EFNB1: variants seen among roughly 807,000 people sequenced by gnomAD.
EFNB1 encodes ephrin-B1.
Under a neutral mutation model 18.1 loss-of-function variants are expected in EFNB1, and 1 was observed. That is an observed-to-expected ratio of 0.06 (90% CI 0.02 to 0.26). EFNB1 has a LOEUF of 0.26. EFNB1 is among the 10% of genes least tolerant of loss of function. The pLI is 1.00. For missense variants in EFNB1, 221 were observed against 301.8 expected (o/e 0.73, Z 1.98); for synonymous variants, 131 against 127.5 (o/e 1.03, Z -0.19).
rs1166797656 is a variant in EFNB1, at chrX:68,840,896, G to A, written c.*242G>A. The A allele has an allele frequency of 5.9e-5, 25 of 422,631 alleles. No homozygotes were observed. Among genetic ancestry groups the A allele is most frequent in the Middle Eastern group, 6.4e-4 (1 of 1,571 alleles). The allele number at this position is 422,631 out of a possible 1,213,427, so 34.8% of individuals were successfully genotyped here. On this transcript the variant is annotated 3_prime_UTR_variant, in exon 5 of 5. Coordinates refer to ENST00000204961, the MANE Select transcript of EFNB1 (RefSeq NM_004429.5). Reference sequence around the variant, plus strand: ...CCAGGCCTCTGGGCTCCGTGGGGGCGCCCCTTCTTGGAAGGCAGGGCTGGA... The same window carrying A: ...CCAGGCCTCTGGGCTCCGTGGGGGCACCCCTTCTTGGAAGGCAGGGCTGGA...
intron 1 of EFNB1, among the ~76,000 whole-genome samples, chrX:68,837,343 G>T (rs1248372048): frequency 2.7e-5 from 3 of 111,545 alleles, no homozygotes; most frequent in Admixed American, 9.5e-5. Flanking sequence ...TGTGTGCTAG[G>T]TGTTCTCCAT....
chrX:68,837,099 T>C (rs939573968), intron 1 of EFNB1, among the ~76,000 whole-genome samples: 2 of 111,674 alleles, frequency 1.8e-5, no homozygotes, highest in Admixed American at 1.9e-4. Context: ...GCTTGAATCA[T>C]CATCCTCACA....
chrX:68,831,497 G>A (rs959996052), intron 1 of EFNB1, among the ~76,000 whole-genome samples: 3 of 111,318 alleles, frequency 2.7e-5, no homozygotes, highest in African/African-American at 6.6e-5. Context: ...TTGAGCCCAG[G>A]GGGGAACGTT....
In EFNB1 at chrX:68,829,670, AG is replaced by A; in HGVS notation, c.-105del. The A allele has an allele frequency of 8.8e-7, 1 of 1,132,658 alleles. No homozygotes were observed. Among genetic ancestry groups the A allele is most frequent in the South Asian group, 1.9e-5 (1 of 51,957 alleles). 93.3% of individuals were successfully genotyped at this position (1,132,658 alleles called of 1,213,427 possible). A position where few individuals can be genotyped will look rare whatever the true frequency, so the allele number is the denominator to read the frequency against. On this transcript the variant is annotated 5_prime_UTR_variant, in exon 1 of 5. Coordinates refer to ENST00000204961, the MANE Select transcript of EFNB1 (RefSeq NM_004429.5). ...AGCACTTCAAGGCCGGCGGCTGCGG[AG>A]GATGGGCGCCTGAGCGGCTCCGAGC... is the stretch of plus-strand genomic sequence containing the variant.
At position 68,829,796 on chromosome X, in the gene EFNB1, G is replaced by T. The variant is rs866037171; in HGVS notation, c.20G>T (p.Arg7Leu). The change falls in exon 1 of 5, where the codon CGT (arginine) becomes CTT (leucine). Residue 7 changes from arginine to leucine, a missense_variant. Physicochemically the swap from Arg to Leu is moderately radical, Grantham distance 102. Coordinates refer to ENST00000204961, the MANE Select transcript of EFNB1 (RefSeq NM_004429.5). MARPGQ[R>L]WLGKWLVAMV... ...GGGAAGATGGCTCGGCCTGGGCAGC[G>T]TTGGCTCGGCAAGTGGCTTGTGGCG... 6.7e-6 allele frequency: 8 copies of T among 1,190,577 alleles called. No individual in the cohort carries two copies. Among genetic ancestry groups the T allele is most frequent in the Non-Finnish European group, 7.9e-6 (7 of 885,301 alleles).
At position 68,829,764 on chromosome X, in the gene EFNB1, TG is replaced by T; in HGVS notation, c.-12del. The T allele has an allele frequency of 1.7e-6, 2 of 1,187,122 alleles. No individual in the cohort carries two copies. The highest frequency in any genetic ancestry group is 2.3e-6 in the Non-Finnish European group (2 of 882,987). ...CGCCAAGGGATCCCGAAGTGCAGTC[TG>T]CCCCCGGGAAGATGGCTCGGCCTGG... On this transcript the variant is annotated 5_prime_UTR_variant, in exon 1 of 5. Transcript: ENST00000204961.
Position 68,840,493 on chromosome X carries a change from A to G in EFNB1, c.880A>G (p.Thr294Ala), listed in dbSNP as rs376456176. The G allele has an allele frequency of 2.8e-5, 34 of 1,209,988 alleles. No individual in the cohort carries two copies. Among genetic ancestry groups the G allele is most frequent in the Admixed American group, 4.4e-5 (2 of 45,922 alleles). The change falls in exon 5 of 5, where the codon ACA becomes GCA. Residue 294 changes from threonine (T) to alanine (A), a missense_variant. Physicochemically the swap from Thr to Ala is moderately conservative, Grantham distance 58. Coordinates refer to ENST00000204961, the MANE Select transcript of EFNB1 (RefSeq NM_004429.5). ...TLASPKGGSGTAGTEPSDIII... is the reference protein window; with the variant it reads ...TLASPKGGSGAAGTEPSDIII... The stretch of plus-strand genomic sequence containing the variant: ...GGCCAGTCCCAAGGGGGGCAGTGGC[A>G]CAGCGGGCACCGAGCCCAGCGACAT...
chrX:68,834,071 CCT>C lies in EFNB1; in HGVS notation c.128+4168_128+4169del, dbSNP rs747743792. On this transcript the variant is annotated intron_variant, in intron 1 of 4. Coordinates refer to ENST00000204961, the MANE Select transcript of EFNB1 (RefSeq NM_004429.5). ...TGGGAAGAGGCCCTGGCTCCCTGCC[CCT>C]GAGTTCCCCTCTTACCTCGCAGGTG... is the stretch of plus-strand genomic sequence containing the variant. Among the ~76,000 whole-genome samples, 13 of 112,318 alleles carry C rather than the reference CCT, an allele frequency of 1.2e-4. No homozygotes were observed. In the South Asian group the frequency reaches 3.7e-3, roughly 32 times the overall value.
At position 68,829,570 on chromosome X, in the gene EFNB1, G is replaced by A. The variant is rs2080438188; in HGVS notation, c.-207G>A. 3 of 588,631 alleles carry A rather than the reference G, an allele frequency of 5.1e-6. No individual in the cohort carries two copies. The African/African-American group carries it at 6.7e-5, about 13-fold the overall frequency. The allele number at this position is 588,631 out of a possible 1,213,427, so 48.5% of individuals were successfully genotyped here. A position where few individuals can be genotyped will look rare whatever the true frequency, so the allele number is the denominator to read the frequency against. On this transcript the variant is annotated 5_prime_UTR_variant, in exon 1 of 5. Coordinates refer to ENST00000204961, the MANE Select transcript of EFNB1 (RefSeq NM_004429.5). ...CTCGGGGGCCGAAGCCCATGCCCGG[G>A]TTGGGGGCGGCTGCCCAGTGAGTCC...
At chrX:68,830,870 AC>A (rs1339552236) in intron 1 of EFNB1, among the ~76,000 whole-genome samples, 1 of 111,913 alleles carries the variant, frequency 8.9e-6, no homozygotes, top group Non-Finnish European at 1.9e-5. Context: ...CTACCCCACC[AC>A]CACCACACAC....
chrX:68,836,961 G>A (rs948201194), intron 1 of EFNB1, among the ~76,000 whole-genome samples: 35 of 111,625 alleles, frequency 3.1e-4, no homozygotes, highest in Non-Finnish European at 5.8e-4. Flanking sequence ...GCTGTCTACT[G>A]TCTCAGTGTG....
In EFNB1 at chrX:68,841,240, A is replaced by G. The variant is rs1185168515; in HGVS notation, c.*586A>G. 1 of 118,196 alleles carries G rather than the reference A, an allele frequency of 8.5e-6. No homozygotes were observed. The highest frequency in any genetic ancestry group is 1.8e-5 in the Non-Finnish European group (1 of 57,092). 9.7% of individuals were successfully genotyped at this position (118,196 alleles called of 1,213,427 possible). A position where few individuals can be genotyped will look rare whatever the true frequency, so the allele number is the denominator to read the frequency against. Reference sequence around the variant, plus strand: ...TTTCTGGTGGGGTAAGGGGCAGGCCAGGGCTGTTCACGCCCATGAGGGAAG... The same window carrying G: ...TTTCTGGTGGGGTAAGGGGCAGGCCGGGGCTGTTCACGCCCATGAGGGAAG... On this transcript the variant is annotated 3_prime_UTR_variant, in exon 5 of 5. Transcript: ENST00000204961.
At position 68,829,740 on chromosome X, in the gene EFNB1, G is replaced by A. The variant is rs1486008309; in HGVS notation, c.-37G>A. On this transcript the variant is annotated 5_prime_UTR_variant, in exon 1 of 5. Coordinates refer to ENST00000204961, the MANE Select transcript of EFNB1 (RefSeq NM_004429.5). ...GCGAGGCGAGCTTTGGTGAGGAGGC[G>A]CCAAGGGATCCCGAAGTGCAGTCTG... is the stretch of plus-strand genomic sequence containing the variant. 2 of 1,175,559 alleles carry A rather than the reference G, an allele frequency of 1.7e-6. No individual in the cohort carries two copies. The highest frequency in any genetic ancestry group is 6.3e-5 in the East Asian group (2 of 31,587).
chrX:68,835,595 C>T (rs886575115), intron 1 of EFNB1, among the ~76,000 whole-genome samples: 1 of 111,113 alleles, frequency 9.0e-6, no homozygotes, highest in Non-Finnish European at 1.9e-5. Context: ...GCCCAGTGGT[C>T]GGGAAGATGC....
intron 1 of EFNB1, among the ~76,000 whole-genome samples, chrX:68,833,896 ATT>A (rs2080453688): frequency 8.9e-6 from 1 of 112,650 alleles, no homozygotes; most frequent in Non-Finnish European, 1.9e-5. Context: ...TATTGGTCCC[ATT>A]TTCCAGATAA....
chrX:68,838,251 G>C (rs1382179844), intron 1 of EFNB1, among the ~76,000 whole-genome samples: 1 of 109,758 alleles, frequency 9.1e-6, no homozygotes, highest in Non-Finnish European at 1.9e-5. Context: ...GTTGGGGGTG[G>C]GGGTATATAA....
Position 68,840,010 on chromosome X carries a change from G to A in EFNB1, c.550G>A (p.Glu184Lys). 9 of 1,212,091 alleles carry A rather than the reference G, an allele frequency of 7.4e-6. No individual in the cohort carries two copies. Among genetic ancestry groups the A allele is most frequent in the Non-Finnish European group, 1.0e-5 (9 of 895,541 alleles). Residue 184 changes from glutamate (E) to lysine (K), a missense_variant, in exon 4 of 5, where the codon GAG becomes AAG. Transcript: ENST00000204961. ...GCTGACTACCAGCAGGCCCAGCAAG[G>A]AGGCAGACAACACTGTCAAGATGGC... is the stretch of plus-strand genomic sequence containing the variant. ...EQLTTSRPSKEADNTVKMATQ... is the reference protein window; with the variant it reads ...EQLTTSRPSKKADNTVKMATQ...
chrX:68,832,000 A>G (rs754436778), intron 1 of EFNB1, among the ~76,000 whole-genome samples: 2 of 110,585 alleles, frequency 1.8e-5, no homozygotes, highest in African/African-American at 6.6e-5. Context: ...ATCCAGGCTC[A>G]GGGGTCTGGA....
At chrX:68,830,035 A>T in intron 1 of EFNB1, 131 bp downstream of exon 1, 12 of 712,469 alleles carry the variant, frequency 1.7e-5, no homozygotes, top group African/African-American at 4.6e-5. Context: ...GGCTTTTTCG[A>T]GTGTTTTCCT....
Sources: gnomAD v4.1 joint callset for allele counts (sites outside exome capture counted in the v4.1 genomes callset) on GRCh38, gnomAD v4.1.1 for gene constraint, MANE v1.5 for transcripts, NCBI Gene and HGNC (gene_info 2026-07-23, HGNC 2026-07-21) for gene names.